The following CFAP53 variants were observed in gnomAD, a reference collection of about 807,000 sequenced individuals.
The protein encoded by CFAP53 is cilia- and flagella-associated protein 53.
A neutral mutation model predicts 59.7 loss-of-function variants in CFAP53; 62 were observed. The observed-to-expected ratio is 1.04, with a 90% CI of 0.85 to 1.28. The LOEUF is 1.28. Among genes scored for constraint, CFAP53 ranks in the 50% most tolerant of loss-of-function variants. The pLI is 0.00. For missense variants in CFAP53, 629 were observed against 615.6 expected (o/e 1.02, Z -0.23); for synonymous variants, 218 against 205.7 (o/e 1.06, Z -0.51).
intron 7 of CFAP53, 65 bp from the exon 8 acceptor site, chr18:50,227,674 T>C: frequency 8.4e-7 from 1 of 1,192,644 alleles, no homozygotes; most frequent in Non-Finnish European, 1.2e-6. Flanking sequence ...ATTCAGAGCA[T>C]TACAATTAAA....
At chr18:50,232,108 G>A (rs767774232) in intron 7 of CFAP53, among the ~76,000 whole-genome samples, 5 of 152,124 alleles carry the variant, frequency 3.3e-5, no homozygotes, top group Admixed American at 1.3e-4. Flanking sequence ...TTTTCATCTC[G>A]GCTGGACATC....
chr18:50,262,685 G>T (rs911053400), intron 1 of CFAP53, among the ~76,000 whole-genome samples: 23 of 152,074 alleles, frequency 1.5e-4, no homozygotes, highest in African/African-American at 5.3e-4. Flanking sequence ...CAATGAAAAG[G>T]TGCTACTATG....
At position 50,246,163 on chromosome 18, in the gene CFAP53, T is replaced by A. The variant is rs1042314198; in HGVS notation, c.997-3047A>T. Among the ~76,000 whole-genome samples, 12 of 152,340 alleles carry A rather than the reference T, an allele frequency of 7.9e-5. No homozygotes were observed. The East Asian group carries it at 2.3e-3, about 29-fold the overall frequency. On this transcript the variant is annotated intron_variant, in intron 5 of 7. Transcript: ENST00000398545. ...CCTCAGCCTCCCAAAGTGCTGGGAT[T>A]ACAGGCGTGAGCCACTGCACCAGGC...
Position 50,262,152 on chromosome 18 carries a change from T to G in CFAP53, c.137A>C (p.Lys46Thr), listed in dbSNP as rs2033899891. 17 of 1,614,110 alleles carry G rather than the reference T, an allele frequency of 1.1e-5. No homozygotes were observed. The highest frequency in any genetic ancestry group is 1.7e-5 in the Admixed American group (1 of 60,012). ...HLERIRRSHQ[K>T]HNAILASIKS... ...AATGGAAGCCAAAATAGCATTATGC[T>G]TCTGATGGCTGCGTCGGATTCTTTC... The change falls in exon 2 of 8, where the codon AAG becomes ACG. Residue 46 changes from lysine (K) to threonine (T), a missense_variant. Transcript: ENST00000398545.
intron 5 of CFAP53, among the ~76,000 whole-genome samples, chr18:50,250,082 G>A (rs1568155909): frequency 6.6e-6 from 1 of 151,838 alleles, no homozygotes; most frequent in East Asian, 1.9e-4. Context: ...AGCCAGGCTA[G>A]GTGGTGGATG....
intron 3 of CFAP53, among the ~76,000 whole-genome samples, 186 bp from the exon 4 acceptor site, chr18:50,251,970 T>C (rs1279672163): frequency 1.3e-5 from 2 of 152,208 alleles, no homozygotes; most frequent in African/African-American, 4.8e-5. Context: ...AGCCTGACTA[T>C]GAAAACTGGA....
At chr18:50,228,494 A>G (rs1013844368) in intron 7 of CFAP53, among the ~76,000 whole-genome samples, 28 of 152,132 alleles carry the variant, frequency 1.8e-4, no homozygotes, top group African/African-American at 6.3e-4. Context: ...TTTTATTGTA[A>G]TAAAAAACAC....
At chr18:50,228,290 C>T (rs967543509) in intron 7 of CFAP53, among the ~76,000 whole-genome samples, 5 of 151,958 alleles carry the variant, frequency 3.3e-5, no homozygotes, top group African/African-American at 1.2e-4. Context: ...GAGGCTGCTC[C>T]GCCTGTTTTC....
intron 1 of CFAP53, 72 bp from the exon 2 acceptor site, chr18:50,262,291 C>T (rs2144437463): frequency 7.9e-7 from 1 of 1,262,916 alleles, no homozygotes; most frequent in Middle Eastern, 1.9e-4. Context: ...TAGTTATGCT[C>T]TCAATCAATA....
chr18:50,237,329 AATATATAT>A (rs1555671379), intron 7 of CFAP53, among the ~76,000 whole-genome samples: 1 of 6,348 alleles, frequency 1.6e-4, no homozygotes, highest in Non-Finnish European at 4.6e-4. Context: ...AAAAAAAAAA[AATATATAT>A]ATATATATAT....
At chr18:50,240,711 C>T (rs577069999) in intron 6 of CFAP53, among the ~76,000 whole-genome samples, 8 of 152,222 alleles carry the variant, frequency 5.3e-5, no homozygotes, top group African/African-American at 1.4e-4. Flanking sequence ...AAACTTTCTA[C>T]GCAGTTTCTA....
chr18:50,264,052 T>C (rs1485016921), intron 1 of CFAP53, among the ~76,000 whole-genome samples: 2 of 152,234 alleles, frequency 1.3e-5, no homozygotes, highest in Non-Finnish European at 2.9e-5. Context: ...TTCAAGTGGC[T>C]GCATTTAAAA....
chr18:50,253,212 T>C (rs2033817959), intron 3 of CFAP53, among the ~76,000 whole-genome samples: 1 of 152,084 alleles, frequency 6.6e-6, no homozygotes, highest in Non-Finnish European at 1.5e-5. Context: ...GAGACGGGGT[T>C]TCACCGTGTT....
chr18:50,260,682 C>G (rs1209173133), intron 3 of CFAP53, among the ~76,000 whole-genome samples: 1 of 151,946 alleles, frequency 6.6e-6, no homozygotes, highest in East Asian at 1.9e-4. Context: ...AACCGAAAAA[C>G]CCCCCAGGGA....
chr18:50,249,812 A>C (rs1190828811), intron 5 of CFAP53, among the ~76,000 whole-genome samples: 2 of 152,198 alleles, frequency 1.3e-5, no homozygotes, highest in South Asian at 4.1e-4. Context: ...CAACATCCTG[A>C]CTGGCATGGT....
rs182498427 is a variant in CFAP53, at chr18:50,233,815, T to C, written c.1316+4788A>G. On this transcript the variant is annotated intron_variant, in intron 7 of 7. Transcript: ENST00000398545. ...TATATCCTAGCAGTCCCGCTATCCA[T>C]AGAAGAAATTACTAACAAGCCTGAT... Among the ~76,000 whole-genome samples, 164 of 152,304 alleles carry C rather than the reference T, an allele frequency of 1.1e-3. 1 individual carries two copies. Among genetic ancestry groups the C allele is most frequent in the African/African-American group, 3.8e-3 (156 of 41,560 alleles).
intron 2 of CFAP53, among the ~76,000 whole-genome samples, chr18:50,261,740 A>G (rs539471731): frequency 6.6e-6 from 1 of 152,334 alleles, no homozygotes; most frequent in East Asian, 1.9e-4. Context: ...TACGAAATAT[A>G]TATTTTTAAC....
chr18:50,257,945 G>T (rs1413992151), intron 3 of CFAP53, among the ~76,000 whole-genome samples: 4 of 152,138 alleles, frequency 2.6e-5, no homozygotes, highest in Admixed American at 1.3e-4. Flanking sequence ...CAGGAGAACT[G>T]CTTGAACCTA....
rs1599133934 is a variant in CFAP53, at chr18:50,263,456, G to T, written c.70-1237C>A. ...TTTAATGAAAAGATTCAGGGCTCAG[G>T]GTACACATATAGGTACCTAGATTTA... On this transcript the variant is annotated intron_variant, in intron 1 of 7. Transcript: ENST00000398545. Among the ~76,000 whole-genome samples the T allele has an allele frequency of 1.3e-5, 2 of 152,192 alleles. 1 individual carries two copies. Among genetic ancestry groups the T allele is most frequent in the Admixed American group, 1.3e-4 (2 of 15,280 alleles).
Sources: allele counts gnomAD v4.1 joint callset (sites outside exome capture counted in the v4.1 genomes callset), GRCh38; gene constraint gnomAD v4.1.1; transcripts MANE v1.5; gene names NCBI Gene and HGNC (gene_info 2026-07-23, HGNC 2026-07-21).